Variants in LAMA2 observed in about 807,000 individuals in gnomAD.
LAMA2 encodes laminin subunit alpha-2.
LAMA2 carries 269 observed loss-of-function variants against 364.8 expected under a neutral mutation model. The observed-to-expected ratio is 0.74, with a 90% confidence interval of 0.67 to 0.82. LAMA2 has a LOEUF of 0.82. Among genes scored for constraint, LAMA2 ranks in the 40% least tolerant of loss-of-function variants. The pLI is 0.00. For synonymous variants in LAMA2, 1,379 were observed against 1,370.6 expected (o/e 1.01, Z -0.14); for missense variants, 3,807 against 3,873.2 (o/e 0.98, Z 0.45).
In LAMA2 at chr6:129,111,953, T is replaced by C. The variant is rs532467627; in HGVS notation, c.639+13538T>C. On this transcript the variant is annotated intron_variant, in intron 4 of 64. Coordinates refer to ENST00000421865, the MANE Select transcript of LAMA2 (RefSeq NM_000426.4). The stretch of plus-strand genomic sequence containing the variant: ...AGTTTGGGAACTGTGTTGTTTTGGC[T>C]CACAGAATATAAAGCGTGTATGTAT... 7.2e-5 allele frequency among the ~76,000 whole-genome samples: 11 copies of C among 152,088 alleles called. No individual in the cohort carries two copies. The East Asian group carries it at 2.1e-3, about 29-fold the overall frequency.
chr6:129,415,518 T>G (rs960981280), intron 40 of LAMA2, among the ~76,000 whole-genome samples: 2 of 152,116 alleles, frequency 1.3e-5, no homozygotes, highest in African/African-American at 2.4e-5. Flanking sequence ...GTGGGTACAA[T>G]AACTGCAAAA....
chr6:129,089,548 T>C (rs1371186435), intron 3 of LAMA2, among the ~76,000 whole-genome samples: 1 of 152,272 alleles, frequency 6.6e-6, no homozygotes, highest in Non-Finnish European at 1.5e-5. Context: ...CATGAGGAAC[T>C]CAGCCTACCT....
intron 3 of LAMA2, 28 bp downstream of exon 3, chr6:129,059,924 C>T (rs1410428684): frequency 3.9e-6 from 5 of 1,279,188 alleles, no homozygotes; most frequent in Non-Finnish European, 1.1e-6. Context: ...TTGTCATTTC[C>T]ACTTTTGAAA....
intron 1 of LAMA2, among the ~76,000 whole-genome samples, chr6:128,975,303 C>A (rs376152967): frequency 6.6e-6 from 1 of 152,080 alleles, no homozygotes; most frequent in Non-Finnish European, 1.5e-5. Context: ...TGGCAATTAA[C>A]CTGAGATTTT....
Position 128,981,791 on chromosome 6 carries a change from C to A in LAMA2, c.113-68127C>A, listed in dbSNP as rs1782901204. Among the ~76,000 whole-genome samples the A allele has an allele frequency of 1.3e-5, 2 of 152,028 alleles. 1 individual carries two copies. Among genetic ancestry groups the A allele is most frequent in the Admixed American group, 1.3e-4 (2 of 15,246 alleles). ...TAATAATACTGCCTTCCAGTTCCTCCAAAATAACATGTCTTTCCTTGGTAA... is the reference window on the plus strand; with the variant it reads ...TAATAATACTGCCTTCCAGTTCCTCAAAAATAACATGTCTTTCCTTGGTAA... On this transcript the variant is annotated intron_variant, in intron 1 of 64. Coordinates refer to ENST00000421865, the MANE Select transcript of LAMA2 (RefSeq NM_000426.4).
chr6:128,959,249 T>A (rs1198396191), intron 1 of LAMA2, among the ~76,000 whole-genome samples: 1 of 152,196 alleles, frequency 6.6e-6, no homozygotes, highest in Non-Finnish European at 1.5e-5. Flanking sequence ...AATTGATGAT[T>A]TTTGTTATTA....
rs10647857 is a variant in LAMA2 at position 129,147,264 on chromosome 6, C to CTTT, written c.909+231_909+233dup. ...GTATAAGAAAACAGATTAGTTTTTC[C>CTTT]TTTTTTTTTTTTTTTTTCAAAAAGG... On this transcript the variant is annotated intron_variant, in intron 6 of 64. Coordinates refer to ENST00000421865, the MANE Select transcript of LAMA2 (RefSeq NM_000426.4). Among the ~76,000 whole-genome samples, 1,561 of 125,560 alleles carry CTTT rather than the reference C, an allele frequency of 0.012. 47 individuals carry two copies. The highest frequency in any genetic ancestry group is 0.042 in the African/African-American group (1,476 of 34,980). 82.4% of individuals were successfully genotyped at this position (125,560 alleles called of 152,430 possible).
intron 58 of LAMA2, among the ~76,000 whole-genome samples, chr6:129,497,220 C>T (rs1293742795): frequency 6.6e-6 from 1 of 151,860 alleles, no homozygotes; most frequent in Non-Finnish European, 1.5e-5. Flanking sequence ...CACTTCTCAC[C>T]ATTTTCCATT....
chr6:129,300,346 C>T (rs990329941), intron 21 of LAMA2, among the ~76,000 whole-genome samples: 7 of 151,886 alleles, frequency 4.6e-5, no homozygotes, highest in South Asian at 4.2e-4. Context: ...AAAACTAATC[C>T]GTACAGCATA....
chr6:129,356,688 TATTC>T (rs1303833186), intron 32 of LAMA2, among the ~76,000 whole-genome samples: 4 of 152,206 alleles, frequency 2.6e-5, no homozygotes, highest in Admixed American at 2.6e-4. Flanking sequence ...TTCAGCCCTT[TATTC>T]ATTTACTGCT....
chr6:128,932,998 C>T (rs190060491), intron 1 of LAMA2, among the ~76,000 whole-genome samples: 1 of 152,170 alleles, frequency 6.6e-6, no homozygotes, highest in Non-Finnish European at 1.5e-5. Context: ...CTCTCATTTA[C>T]CCCAATTCCT....
At chr6:129,087,416 C>A (rs1471468536) in intron 3 of LAMA2, among the ~76,000 whole-genome samples, 2 of 152,116 alleles carry the variant, frequency 1.3e-5, no homozygotes, top group Admixed American at 6.6e-5. Context: ...ACAGCAGGGG[C>A]GCACATACAG....
intron 1 of LAMA2, chr6:128,905,656 TAA>T (rs1777405684): frequency 6.6e-6 from 1 of 152,020 alleles, no homozygotes; most frequent in Non-Finnish European, 1.5e-5. Flanking sequence ...TATTATACTT[TAA>T]GTTTTAGGGT....
At chr6:129,442,725 T>G (rs1782180300) in intron 43 of LAMA2, 2 of 354,392 alleles carry the variant, frequency 5.6e-6, no homozygotes, top group South Asian at 2.6e-5. Context: ...AGATTGATTC[T>G]CAACTGGTAG....
chr6:129,514,557 C>T lies in LAMA2; in HGVS notation c.9173C>T (p.Ala3058Val). Residue 3058 changes from alanine to valine, a missense_variant, in exon 64 of 65, where the codon GCT becomes GTT. Physicochemically the swap from Ala to Val is moderately conservative, Grantham distance 64 (BLOSUM62 0). Coordinates refer to ENST00000421865, the MANE Select transcript of LAMA2 (RefSeq NM_000426.4). ...AQSPNPASTS[A>V]DTNDPVFVGG... Reference sequence around the variant, plus strand: ...AGCCCAAACCCAGCATCTACATCAGCTGACACAAATGACCCTGTGTTTGTT... The same window carrying T: ...AGCCCAAACCCAGCATCTACATCAGTTGACACAAATGACCCTGTGTTTGTT... 2.5e-6 allele frequency: 4 copies of T among 1,614,142 alleles called. No homozygotes were observed. Among genetic ancestry groups the T allele is most frequent in the Non-Finnish European group, 3.4e-6 (4 of 1,180,014 alleles).
In LAMA2 at chr6:129,464,468, A is replaced by G. The variant is rs186305676; in HGVS notation, c.7155+16A>G. On this transcript the variant is annotated intron_variant, in intron 50 of 64. Transcript: ENST00000421865. The stretch of plus-strand genomic sequence containing the variant: ...ACGAGACCTGGTAAAGATCATATGC[A>G]TAGCAGAGTTTCCGTGACTAAAATG... The G allele has an allele frequency of 5.4e-5, 86 of 1,603,784 alleles. No homozygotes were observed. In the African/African-American group the frequency reaches 1.0e-3, roughly 19 times the overall value.
At chr6:129,503,720 G>A (rs1451166515) in intron 60 of LAMA2, among the ~76,000 whole-genome samples, 1 of 152,178 alleles carries the variant, frequency 6.6e-6, no homozygotes, top group Non-Finnish European at 1.5e-5. Flanking sequence ...TTTGCCAAAA[G>A]CAAAAGTTGG....
chr6:129,502,251 A>T (rs1785704276), intron 58 of LAMA2, among the ~76,000 whole-genome samples: 1 of 152,212 alleles, frequency 6.6e-6, no homozygotes. Context: ...GGAGGGCAAG[A>T]AAAAACACAT....
chr6:129,235,727 G>A (rs1028464756), intron 12 of LAMA2, among the ~76,000 whole-genome samples: 1 of 152,086 alleles, frequency 6.6e-6, no homozygotes, highest in Non-Finnish European at 1.5e-5. Flanking sequence ...AATCACCAAC[G>A]CTCTCATGTT....
Sources: allele counts gnomAD v4.1 joint callset (sites outside exome capture counted in the v4.1 genomes callset), GRCh38; gene constraint gnomAD v4.1.1; transcripts MANE v1.5; gene names NCBI Gene and HGNC (gene_info 2026-07-23, HGNC 2026-07-21).